The following MAX variants were observed in gnomAD, a reference collection of about 807,000 sequenced individuals.
MAX encodes the protein MYC associated transcriptional regulator X, also known as protein max.
In MAX, 3 loss-of-function variants were observed where a neutral mutation model predicts 22.3. That is an observed-to-expected ratio of 0.13 (90% confidence interval 0.06 to 0.35). The LOEUF is 0.35. Among genes scored for constraint, MAX ranks in the 10% least tolerant of loss-of-function variants. The pLI, the probability that MAX is intolerant of heterozygous loss-of-function variation, is 1.00. For synonymous variants in MAX, 72 were observed against 77.7 expected, an observed-to-expected ratio of 0.93 and a Z score of 0.39; for missense variants, 119 against 209.4, an observed-to-expected ratio of 0.57 and a Z score of 2.66.
At chr14:65,013,459 C>G (rs762241974) in intron 3 of MAX, among the ~76,000 whole-genome samples, 34 of 152,120 alleles carry the variant, frequency 2.2e-4, no homozygotes, top group Non-Finnish European at 4.3e-4. Context: ...TATGAATTTT[C>G]AATCCTTGAC....
In MAX at chr14:65,023,952, A is replaced by G. The variant is rs1422588122; in HGVS notation, c.172-17668T>C. On this transcript the variant is annotated intron_variant, in intron 3 of 3. Coordinates refer to the MAX transcript ENST00000341653. This position sits in a 1 kb window ranked among gnomAD's most constrained non-coding sequence, Gnocchi z 4.1. ...CCTGACTCTACTAAAAAATACAAAA[A>G]TTAGCTGGGCGTGGCGGCATGCACC... Among the ~76,000 whole-genome samples the G allele has an allele frequency of 6.6e-6, 1 of 152,068 alleles. No individual in the cohort carries two copies. The highest frequency in any genetic ancestry group is 6.6e-5 in the Admixed American group (1 of 15,260).
Position 65,069,326 on chromosome 14 carries a change from C to CA in MAX, c.171+24381dup, listed in dbSNP as rs1370757471. ...TTGTGGGCAGGACAGAAGGAGAGCC[C>CA]ATCAAGAGCTTGAGAAGCGATGACC... On this transcript the variant is annotated intron_variant, in intron 3 of 3. Coordinates refer to the MAX transcript ENST00000341653. The surrounding 1 kb of genome is among the most constrained non-coding windows in gnomAD (Gnocchi z 4.6). Among the ~76,000 whole-genome samples the CA allele has an allele frequency of 1.3e-5, 2 of 152,158 alleles. No individual in the cohort carries two copies. Among genetic ancestry groups the CA allele is most frequent in the African/African-American group, 4.8e-5 (2 of 41,430 alleles).
rs1432119886 is a variant in MAX at position 65,077,320 on chromosome 14, T to C, written c.295+593A>G. The C allele has an allele frequency of 6.5e-7, 1 of 1,546,576 alleles. No homozygotes were observed. The highest frequency in any genetic ancestry group is 1.7e-5 in the Admixed American group (1 of 59,614). On this transcript the variant is annotated intron_variant, in intron 4 of 4. Transcript: ENST00000358664. The surrounding 1 kb of genome is among the most constrained non-coding windows in gnomAD (Gnocchi z 6.3). Reference sequence around the variant, plus strand: ...TATTTTATTTTATTTTATTTGAGGTTTTCTAACCCAGGTGGTTACTTGCAT... The same window carrying C: ...TATTTTATTTTATTTTATTTGAGGTCTTCTAACCCAGGTGGTTACTTGCAT...
downstream of MAX, among the ~76,000 whole-genome samples, chr14:65,073,375 T>A (rs2063009453): frequency 6.6e-6 from 1 of 152,232 alleles, no homozygotes; most frequent in African/African-American, 2.4e-5. Flanking sequence ...TCAGCTAAGA[T>A]GACAGCTCTG....
intron 3 of MAX, among the ~76,000 whole-genome samples, chr14:65,040,545 ATCT>A (rs2062326659): frequency 6.7e-6 from 1 of 148,740 alleles, no homozygotes; most frequent in Non-Finnish European, 1.5e-5. Context: ...GCCTCAAGTG[ATCT>A]TCTTGCCTTA....
rs1313183849 is a variant in MAX at position 65,031,986 on chromosome 14, G to GTA, written c.172-25703_172-25702insTA. Among the ~76,000 whole-genome samples, 426 of 124,722 alleles carry GTA rather than the reference G, an allele frequency of 3.4e-3. 1 individual carries two copies. Among genetic ancestry groups the GTA allele is most frequent in the African/African-American group, 0.011 (411 of 38,862 alleles). 81.8% of individuals were successfully genotyped at this position (124,722 alleles called of 152,430 possible). ...TGCGCCTTTTTCATTTAACGTGTGT[G>GTA]TGTGTGTGTGTGTGTGTGTGTGTGT... On this transcript the variant is annotated intron_variant, in intron 3 of 3. Coordinates refer to the MAX transcript ENST00000341653. The surrounding 1 kb of genome is among the most constrained non-coding windows in gnomAD (Gnocchi z 4.6).
intron 2 of MAX, among the ~76,000 whole-genome samples, chr14:65,100,336 G>C (rs2063795971): frequency 1.3e-5 from 2 of 152,146 alleles, no homozygotes; most frequent in Non-Finnish European, 2.9e-5. Context: ...TGTAGTCCCA[G>C]CTATTCGGGA....
intron 2 of MAX, chr14:65,094,092 T>C (rs2063590560): frequency 2.3e-6 from 1 of 433,732 alleles, no homozygotes; most frequent in Non-Finnish European, 4.3e-6. Flanking sequence ...GGACAAAGTG[T>C]GACTCTCCTG....
rs2139500655 is a variant in MAX, at chr14:65,009,325, T to C, written c.172-3041A>G. 6.6e-6 allele frequency among the ~76,000 whole-genome samples: 1 copy of C among 152,262 alleles called. No homozygotes were observed. The highest frequency in any genetic ancestry group is 1.5e-5 in the Non-Finnish European group (1 of 68,010). On this transcript the variant is annotated intron_variant, in intron 3 of 3. Coordinates refer to the MAX transcript ENST00000341653. The surrounding 1 kb of genome is among the most constrained non-coding windows in gnomAD (Gnocchi z 4.2). ...CTGCTGACTGGCTTCACCAACATGT[T>C]ATATTTCTTAATTTCACTGGCGCTT...
At chr14:65,083,691 C>A in intron 3 of MAX, 1 of 1,035,108 alleles carries the variant, frequency 9.7e-7, no homozygotes, top group East Asian at 6.1e-5. Flanking sequence ...TCTTGTTCCC[C>A]TAAGAACCAA....
At chr14:65,097,978 C>T (rs1262227647) in intron 2 of MAX, among the ~76,000 whole-genome samples, 1 of 152,116 alleles carries the variant, frequency 6.6e-6, no homozygotes, top group Admixed American at 6.5e-5. Context: ...TCTTTTGGTG[C>T]CTAAAATAAC....
chr14:65,035,189 G>GCCCTGAC (rs1462055119), intron 3 of MAX, among the ~76,000 whole-genome samples: 1 of 152,144 alleles, frequency 6.6e-6, no homozygotes, highest in East Asian at 1.9e-4. Context: ...TTGGCTGCCC[G>GCCCTGAC]CCCTGACCCC....
Position 65,058,513 on chromosome 14 carries a change from G to A in MAX, c.171+35195C>T, listed in dbSNP as rs1393594286. Among the ~76,000 whole-genome samples, 3 of 152,154 alleles carry A rather than the reference G, an allele frequency of 2.0e-5. No homozygotes were observed. The South Asian group carries it at 6.2e-4, about 32-fold the overall frequency. The stretch of plus-strand genomic sequence containing the variant: ...CACATAGTGCTGACTAAAGGTAGTA[G>A]AGGGCATTCGTCTCTTGCTCCTGAT... On this transcript the variant is annotated intron_variant, in intron 3 of 3. Coordinates refer to the MAX transcript ENST00000341653.
rs757275635 is a variant in MAX at position 65,076,466 on chromosome 14, C to T, written c.*10G>A. ...CAGACAGTTTTTATTGCTGGCCTGC[C>T]CCGAGTGGCTTAGCTGGCCTCCATC... On this transcript the variant is annotated 3_prime_UTR_variant, in exon 5 of 5. Coordinates refer to ENST00000358664, the MANE Select transcript of MAX (RefSeq NM_002382.5). The surrounding 1 kb of genome is among the most constrained non-coding windows in gnomAD (Gnocchi z 6.6). 16 of 1,612,896 alleles carry T rather than the reference C, an allele frequency of 9.9e-6. No homozygotes were observed. The South Asian group carries it at 1.5e-4, about 16-fold the overall frequency.
intron 3 of MAX, among the ~76,000 whole-genome samples, chr14:65,087,013 C>A (rs2063352500): frequency 2.0e-5 from 3 of 152,208 alleles, no homozygotes; most frequent in African/African-American, 7.2e-5. Flanking sequence ...TGAAAGGGCC[C>A]AATGCAGAGC....
rs898194858 is a variant in MAX at position 65,012,573 on chromosome 14, T to C, written c.172-6289A>G. ...GACTCAGCCCTGAAAGGGCAGAACC[T>C]AGTCTCTTCCAGAGTGAGTGGAGCA... On this transcript the variant is annotated intron_variant, in intron 3 of 3. Coordinates refer to the MAX transcript ENST00000341653. The surrounding 1 kb of genome is among the most constrained non-coding windows in gnomAD (Gnocchi z 5.0). Among the ~76,000 whole-genome samples the C allele has an allele frequency of 1.3e-5, 2 of 152,232 alleles. No individual in the cohort carries two copies. Among genetic ancestry groups the C allele is most frequent in the African/African-American group, 4.8e-5 (2 of 41,462 alleles).
In MAX at chr14:65,034,504, A is replaced by G. The variant is rs1388675459; in HGVS notation, c.172-28220T>C. Among the ~76,000 whole-genome samples the G allele has an allele frequency of 6.6e-5, 10 of 152,334 alleles. No individual in the cohort carries two copies. The East Asian group carries it at 1.2e-3, about 18-fold the overall frequency. ...TGTAGTCTTTCTGAATTTTGTAAGCATTGCTTCATTATCTTCTGGCTTCCA... is the reference window on the plus strand; with the variant it reads ...TGTAGTCTTTCTGAATTTTGTAAGCGTTGCTTCATTATCTTCTGGCTTCCA... On this transcript the variant is annotated intron_variant, in intron 3 of 3. Transcript: ENST00000341653.
intron 3 of MAX, among the ~76,000 whole-genome samples, chr14:65,059,637 C>T (rs1029357115): frequency 6.6e-6 from 1 of 152,016 alleles, no homozygotes; most frequent in Non-Finnish European, 1.5e-5. Flanking sequence ...GCAGTTGTGT[C>T]CCCTTCTTCA....
At chr14:65,015,557 C>A (rs764653279) in intron 3 of MAX, 1 of 1,561,464 alleles carries the variant, frequency 6.4e-7, no homozygotes, top group South Asian at 1.1e-5. Flanking sequence ...GAGACAGATA[C>A]AGCCTTGGCA....
Sources: gnomAD v4.1 joint callset for allele counts (sites outside exome capture counted in the v4.1 genomes callset) on GRCh38, gnomAD v4.1.1 for gene constraint, Gnocchi (gnomAD v3.1) non-coding constraint, MANE v1.5 for transcripts, NCBI Gene and HGNC (gene_info 2026-07-23, HGNC 2026-07-21) for gene names.